The following UACA variants were observed in gnomAD, a reference collection of about 807,000 sequenced individuals.
UACA encodes nuclear membrane binding protein.
UACA carries 112 observed loss-of-function variants against 160.5 expected under a neutral mutation model. The observed-to-expected ratio is 0.70, with a 90% CI of 0.60 to 0.82. The LOEUF (loss-of-function observed/expected upper bound fraction) is 0.82. UACA is among the 40% of genes least tolerant of loss of function. The pLI is 0.00. For missense variants in UACA, 1,574 were observed against 1,614.6 expected (o/e 0.97, Z 0.43); for synonymous variants, 557 against 568.4 (o/e 0.98, Z 0.29).
chr15:70,697,840 C>T (rs577722558), intron 2 of UACA, among the ~76,000 whole-genome samples: 2 of 152,110 alleles, frequency 1.3e-5, no homozygotes, highest in Admixed American at 6.6e-5. Context: ...CACCAGAGGT[C>T]GGGAGTCCAA....
At chr15:70,704,895 T>G (rs576151862) in intron 1 of UACA, among the ~76,000 whole-genome samples, 6 of 152,156 alleles carry the variant, frequency 3.9e-5, no homozygotes, top group African/African-American at 1.4e-4. Context: ...TGCCTTGTGG[T>G]CAAAACAAAT....
chr15:70,716,916 T>C (rs971933659), intron 1 of UACA, among the ~76,000 whole-genome samples: 1 of 152,124 alleles, frequency 6.6e-6, no homozygotes, highest in Non-Finnish European at 1.5e-5. Flanking sequence ...ATTAATAAAT[T>C]TGTGGCTTCA....
chr15:70,682,652 G>GCAT, intron 9 of UACA, 106 bp downstream of exon 9: 1 of 566,250 alleles, frequency 1.8e-6, no homozygotes, highest in African/African-American at 2.0e-5. Context: ...AAGAGAGATA[G>GCAT]AACGCATTTA....
intron 2 of UACA, among the ~76,000 whole-genome samples, chr15:70,697,829 T>A (rs113206838): frequency 0.014 from 2,079 of 152,240 alleles, 45 homozygotes; most frequent in African/African-American, 0.048. Flanking sequence ...GGTGGGCACA[T>A]CACCAGAGGT....
the UACA span, among the ~76,000 whole-genome samples, chr15:70,776,314 TGCC>T: frequency 6.6e-6 from 1 of 152,202 alleles, no homozygotes; most frequent in Non-Finnish European, 1.5e-5. Context: ...ACTTACTAAG[TGCC>T]AGGCACTGTT....
chr15:70,711,606 C>T (rs1898684202), intron 1 of UACA, among the ~76,000 whole-genome samples: 1 of 151,890 alleles, frequency 6.6e-6, no homozygotes, highest in African/African-American at 2.4e-5. Flanking sequence ...TTGATAGTGC[C>T]AAGCCCCATT....
chr15:70,670,578 G>T (rs1192357322), intron 15 of UACA, among the ~76,000 whole-genome samples: 1 of 151,654 alleles, frequency 6.6e-6, no homozygotes, highest in Non-Finnish European at 1.5e-5. Context: ...CCCCTCAGCC[G>T]AATCCTTTCC....
In UACA at chr15:70,674,600, CT is replaced by C. The variant is rs200904486; in HGVS notation, c.1131+1892del. Among the ~76,000 whole-genome samples, 1,457 of 151,448 alleles carry C rather than the reference CT, an allele frequency of 9.6e-3. 22 individuals carry two copies. The highest frequency in any genetic ancestry group is 0.034 in the African/African-American group (1,396 of 41,330). ...TTTGTCTAAAGCTACAGAAAAACAT[CT>C]TTTTTTTTCTTCCCCTTGAAACAGA... is the stretch of plus-strand genomic sequence containing the variant. On this transcript the variant is annotated intron_variant, in intron 13 of 18. Coordinates refer to ENST00000322954, the MANE Select transcript of UACA (RefSeq NM_018003.4).
rs1898812585 is a variant in UACA, at chr15:70,716,058, C to T, written c.79-16398G>A. On this transcript the variant is annotated intron_variant, in intron 1 of 18. Transcript: ENST00000322954. The stretch of plus-strand genomic sequence containing the variant: ...AATGTGATTGTGCCACTCCTGTCAT[C>T]AAGAAATGACATTTATTTCCTCATC... 3.3e-5 allele frequency among the ~76,000 whole-genome samples: 5 copies of T among 152,170 alleles called. No homozygotes were observed. In the South Asian group the frequency reaches 8.3e-4, roughly 25 times the overall value.
intron 1 of UACA, 31 bp downstream of exon 1, chr15:70,763,299 A>C (rs2030889801): frequency 7.6e-7 from 1 of 1,320,672 alleles, no homozygotes; most frequent in Admixed American, 4.2e-5. Flanking sequence ...CCCGGAGCGG[A>C]GCGCCTCGCA....
At position 70,655,840 on chromosome 15, in the gene UACA, G is replaced by A. The variant is rs948796091; in HGVS notation, c.*1216C>T. 5.9e-5 allele frequency: 9 copies of A among 152,286 alleles called. No individual in the cohort carries two copies. The highest frequency in any genetic ancestry group is 2.0e-4 in the Admixed American group (3 of 15,284). The allele number at this position is 152,286 out of a possible 1,614,324, so 9.4% of individuals were successfully genotyped here. A position where few individuals can be genotyped will look rare whatever the true frequency, so the allele number is the denominator to read the frequency against. On this transcript the variant is annotated 3_prime_UTR_variant, in exon 19 of 19. Coordinates refer to ENST00000322954, the MANE Select transcript of UACA (RefSeq NM_018003.4). ...ATTGCTAAGGCAAATTTTGCAATTTGAGAAAACCTAACTGTAATGATCCAT... is the reference window on the plus strand; with the variant it reads ...ATTGCTAAGGCAAATTTTGCAATTTAAGAAAACCTAACTGTAATGATCCAT...
At position 70,763,495 on chromosome 15, in the gene UACA, G is replaced by T. The variant is rs1013858733; in HGVS notation, c.-88C>A. The T allele has an allele frequency of 1.6e-6, 2 of 1,258,512 alleles. No individual in the cohort carries two copies. The highest frequency in any genetic ancestry group is 3.1e-5 in the African/African-American group (2 of 64,426). The allele number at this position is 1,258,512 out of a possible 1,614,324, so 78.0% of individuals were successfully genotyped here. A position where few individuals can be genotyped will look rare whatever the true frequency, so the allele number is the denominator to read the frequency against. ...GTAGACGGCAGCGGCTGCAGCAGAG[G>T]CGGCGCGGGCTGTACCAGCCCCACC... On this transcript the variant is annotated 5_prime_UTR_variant, in exon 1 of 19. Transcript: ENST00000322954.
intron 1 of UACA, among the ~76,000 whole-genome samples, chr15:70,748,535 T>C (rs1363785827): frequency 1.3e-5 from 2 of 152,176 alleles, no homozygotes; most frequent in Non-Finnish European, 2.9e-5. Context: ...CTCACCCTAA[T>C]GACAGGACAA....
chr15:70,687,809 A>C lies in UACA; in HGVS notation c.436T>G (p.Cys146Gly). The change falls in exon 6 of 19, where the codon TGT becomes GGT. Residue 146 changes from cysteine (C) to glycine (G), a missense_variant. By Grantham distance (159) the Cys-to-Gly change is radical (BLOSUM62 -3). Coordinates refer to ENST00000322954, the MANE Select transcript of UACA (RefSeq NM_018003.4). ...CAAAGCAGCTGTATGCTAGAAGGAC[A>C]ATCTGCCATTGCTTTAAGGAACAAA... ...TALHDAAMAD[C>G]PSSIQLLCDH... 6 of 1,613,708 alleles carry C rather than the reference A, an allele frequency of 3.7e-6. No homozygotes were observed. Among genetic ancestry groups the C allele is most frequent in the Non-Finnish European group, 5.1e-6 (6 of 1,179,722 alleles).
intron 1 of UACA, among the ~76,000 whole-genome samples, chr15:70,752,530 C>G (rs1394711882): frequency 6.6e-6 from 1 of 151,476 alleles, no homozygotes; most frequent in Non-Finnish European, 1.5e-5. Context: ...TCTCTCCCCT[C>G]CCCCCCACCA....
chr15:70,729,248 C>T (rs1380555430), intron 1 of UACA, among the ~76,000 whole-genome samples: 1 of 152,138 alleles, frequency 6.6e-6, no homozygotes, highest in African/African-American at 2.4e-5. Context: ...ATGTTCACTG[C>T]AGCACTATTC....
At chr15:70,662,749 C>CA (rs1179037201) in intron 17 of UACA, among the ~76,000 whole-genome samples, 1 of 152,182 alleles carries the variant, frequency 6.6e-6, no homozygotes, top group Admixed American at 6.5e-5. Flanking sequence ...CTGACAAAAA[C>CA]AAGAAATGGG....
upstream of UACA, chr15:70,763,620 C>A (rs761207575): frequency 7.1e-5 from 67 of 950,078 alleles, no homozygotes; most frequent in African/African-American, 8.6e-4. Context: ...GGGGGCGTGG[C>A]AAACCGCGAC....
chr15:70,719,961 G>A (rs1166620508), intron 1 of UACA, among the ~76,000 whole-genome samples: 2 of 152,150 alleles, frequency 1.3e-5, no homozygotes, highest in East Asian at 3.9e-4. Flanking sequence ...AGGGTGATAT[G>A]GTTTGGATCA....
Sources: gnomAD v4.1 joint callset for allele counts (sites outside exome capture counted in the v4.1 genomes callset) on GRCh38, gnomAD v4.1.1 for gene constraint, MANE v1.5 for transcripts, NCBI Gene and HGNC (gene_info 2026-07-23, HGNC 2026-07-21) for gene names.